The following CTNNA2 variants were observed in gnomAD, a reference collection of about 807,000 sequenced individuals.
CTNNA2 encodes the protein catenin alpha 2, also known as catenin alpha-2.
In CTNNA2, 42 loss-of-function variants were observed where a neutral mutation model predicts 101.0. That is an observed-to-expected ratio of 0.42 (90% CI 0.32 to 0.54). CTNNA2 has a LOEUF of 0.54. Ranked by LOEUF, CTNNA2 falls within the 20% of genes least tolerant of loss-of-function variation. CTNNA2 has a pLI of 0.14. For synonymous variants in CTNNA2, 450 were observed against 456.4 expected (o/e 0.99, Z 0.18); for missense variants, 871 against 1,223.1 (o/e 0.71, Z 4.29).
At chr2:79,896,654 C>T (rs958826537) in intron 6 of CTNNA2, among the ~76,000 whole-genome samples, 1 of 152,190 alleles carries the variant, frequency 6.6e-6, no homozygotes, top group Non-Finnish European at 1.5e-5. Flanking sequence ...CTCACACACA[C>T]GTGTGTGCAC....
intron 7 of CTNNA2, among the ~76,000 whole-genome samples, chr2:80,228,384 T>C (rs13404829): frequency 0.1 from 15,562 of 152,008 alleles, 1,730 homozygotes; most frequent in African/African-American, 0.28. Context: ...TCAGGCCTCT[T>C]TTACATGGGC....
At chr2:80,212,184 CT>C (rs1387324861) in intron 7 of CTNNA2, among the ~76,000 whole-genome samples, 1 of 152,182 alleles carries the variant, frequency 6.6e-6, no homozygotes, top group Non-Finnish European at 1.5e-5. Context: ...TTAACTTCCT[CT>C]TTTCCTAATT....
chr2:79,416,915 A>C (rs1210215562), intron 4 of CTNNA2, among the ~76,000 whole-genome samples: 3 of 152,146 alleles, frequency 2.0e-5, no homozygotes, highest in Non-Finnish European at 2.9e-5. Flanking sequence ...ATAATATCCT[A>C]AATTATCTCA....
chr2:80,492,763 T>A (rs1294283262), intron 9 of CTNNA2, among the ~76,000 whole-genome samples: 4 of 152,204 alleles, frequency 2.6e-5, no homozygotes, highest in Non-Finnish European at 5.9e-5. Context: ...CTGGCTGGAA[T>A]GCTTTGCCCT....
chr2:80,137,829 T>C (rs1702781220), intron 7 of CTNNA2, among the ~76,000 whole-genome samples: 1 of 152,072 alleles, frequency 6.6e-6, no homozygotes, highest in Non-Finnish European at 1.5e-5. Context: ...CATTCCATTG[T>C]TGGGATTTTA....
At chr2:80,020,297 A>G (rs562275077) in intron 7 of CTNNA2, among the ~76,000 whole-genome samples, 1 of 152,334 alleles carries the variant, frequency 6.6e-6, no homozygotes, top group African/African-American at 2.4e-5. Context: ...CCTATTGTAT[A>G]CAAGGGGGTG....
intron 2 of CTNNA2, among the ~76,000 whole-genome samples, chr2:79,680,901 G>A (rs1683519120): frequency 6.6e-6 from 1 of 152,228 alleles, no homozygotes; most frequent in Non-Finnish European, 1.5e-5. Flanking sequence ...CTGCTGCAGT[G>A]TGGAACTGGG....
intron 1 of CTNNA2, among the ~76,000 whole-genome samples, chr2:79,579,183 CCTTCCTTT>C (rs1197840432): frequency 2.0e-5 from 3 of 148,972 alleles, no homozygotes; most frequent in African/African-American, 5.0e-5. Flanking sequence ...TTCCTTCCTT[CCTTCCTTT>C]CTTCCTTCCT....
At chr2:79,532,119 T>C (rs1672783202) in intron 1 of CTNNA2, among the ~76,000 whole-genome samples, 1 of 152,174 alleles carries the variant, frequency 6.6e-6, no homozygotes. Context: ...CATTATATTA[T>C]GGTATGCTTG....
intron 4 of CTNNA2, among the ~76,000 whole-genome samples, chr2:79,471,294 G>C (rs1372566227): frequency 6.6e-6 from 1 of 152,126 alleles, no homozygotes; most frequent in African/African-American, 2.4e-5. Context: ...AAATACTATA[G>C]TCTTAGTGGC....
chr2:80,524,241 CTGTAAATTAGG>C (rs1689830773), intron 9 of CTNNA2, among the ~76,000 whole-genome samples: 1 of 152,154 alleles, frequency 6.6e-6, no homozygotes, highest in Non-Finnish European at 1.5e-5. Context: ...GTGTTCTCAT[CTGTAAATTAGG>C]GGTTAGAAGA....
At chr2:80,152,075 G>A (rs770899203) in intron 7 of CTNNA2, among the ~76,000 whole-genome samples, 38 of 152,362 alleles carry the variant, frequency 2.5e-4, no homozygotes, top group Non-Finnish European at 5.0e-4. Context: ...GAGAGGAACA[G>A]GGCAGAGCAC....
At chr2:79,478,026 C>T (rs1671069521) in intron 4 of CTNNA2, among the ~76,000 whole-genome samples, 2 of 152,222 alleles carry the variant, frequency 1.3e-5, no homozygotes, top group South Asian at 4.1e-4. Context: ...CCCAGTCCCA[C>T]ATATTAGTAA....
At chr2:79,940,572 G>A (rs530731404) in intron 7 of CTNNA2, among the ~76,000 whole-genome samples, 1 of 152,298 alleles carries the variant, frequency 6.6e-6, no homozygotes, top group South Asian at 2.1e-4. Context: ...CATGAAAACT[G>A]TGAATCAGTC....
chr2:79,338,643 C>CTTCTTCTTCTTCTTCTTCTTCTT (rs1558634030), intron 3 of CTNNA2, among the ~76,000 whole-genome samples: 2 of 145,552 alleles, frequency 1.4e-5, no homozygotes, highest in Admixed American at 7.0e-5. Flanking sequence ...TCTTCTTCTT[C>CTTCTTCTTCTTCTTCTTCTTCTT]AAAGATTCCT....
chr2:80,587,703 C>T (rs981660999), intron 14 of CTNNA2, among the ~76,000 whole-genome samples: 1 of 152,138 alleles, frequency 6.6e-6, no homozygotes, highest in South Asian at 2.1e-4. Context: ...ATTTAGGAAG[C>T]ATTTTTCTTG....
intron 2 of CTNNA2, among the ~76,000 whole-genome samples, chr2:79,704,566 G>A (rs2104774217): frequency 6.9e-6 from 1 of 144,564 alleles, no homozygotes; most frequent in African/African-American, 2.6e-5. Flanking sequence ...AGGCTGGAGT[G>A]CAGTGGCACA....
At chr2:79,525,409 T>C (rs1271062903) in intron 1 of CTNNA2, among the ~76,000 whole-genome samples, 1 of 152,002 alleles carries the variant, frequency 6.6e-6, no homozygotes, top group African/African-American at 2.4e-5. Context: ...TGAATTGTAA[T>C]TGTTCATCTG....
rs532662934 is a variant in CTNNA2 at position 79,441,498 on chromosome 2, G to C, written c.-134-63556G>C. Among the ~76,000 whole-genome samples, 135 of 152,180 alleles carry C rather than the reference G, an allele frequency of 8.9e-4. 1 individual carries two copies. Among genetic ancestry groups the C allele is most frequent in the Non-Finnish European group, 1.5e-3 (100 of 68,002 alleles). ...CCAGGGACTGAAGCATGACACCTGG[G>C]AAACATTTTCTGATTTTTCCTTTTA... On this transcript the variant is annotated intron_variant, in intron 4 of 21. Transcript: ENST00000466387.
Sources: gnomAD v4.1 joint callset for allele counts (sites outside exome capture counted in the v4.1 genomes callset) on GRCh38, gnomAD v4.1.1 for gene constraint, MANE v1.5 for transcripts, NCBI Gene and HGNC (gene_info 2026-07-23, HGNC 2026-07-21) for gene names.